Variants in BCL2 observed in about 807,000 individuals in gnomAD.
The protein encoded by BCL2 is apoptosis regulator Bcl-2.
In BCL2, 1 loss-of-function variant was observed where a neutral mutation model predicts 14.2. That is an observed-to-expected ratio of 0.07 (90% CI 0.02 to 0.33). The LOEUF is 0.33. Among genes scored for constraint, BCL2 ranks in the 10% least tolerant of loss-of-function variants. BCL2 has a pLI of 0.99. For missense variants in BCL2, 247 were observed against 305.9 expected, an observed-to-expected ratio of 0.81 and a Z score of 1.44; for synonymous variants, 151 against 137.2, an observed-to-expected ratio of 1.10 and a Z score of -0.70.
chr18:63,267,228 G>A (rs772234200), intron 2 of BCL2, among the ~76,000 whole-genome samples: 1 of 152,204 alleles, frequency 6.6e-6, no homozygotes, highest in African/African-American at 2.4e-5. Flanking sequence ...GGGGCATTCC[G>A]TGCTTGGGTA....
intron 2 of BCL2, among the ~76,000 whole-genome samples, chr18:63,241,499 C>T (rs754259958): frequency 6.6e-6 from 1 of 152,164 alleles, no homozygotes; most frequent in Non-Finnish European, 1.5e-5. Context: ...GATAAGATCT[C>T]AGAGTTACTG....
At chr18:63,317,269 C>T (rs1332960054) in intron 2 of BCL2, 1 of 153,682 alleles carries the variant, frequency 6.5e-6, no homozygotes, top group African/African-American at 2.4e-5. Flanking sequence ...AAAATTAGGT[C>T]CACTCTGAGT....
At chr18:63,296,988 G>A (rs542563562) in intron 2 of BCL2, among the ~76,000 whole-genome samples, 23 of 152,242 alleles carry the variant, frequency 1.5e-4, no homozygotes, top group East Asian at 7.8e-4. Flanking sequence ...CGAGGCGGGC[G>A]GACCACGAGT....
At chr18:63,211,867 G>A (rs938332121) in intron 2 of BCL2, among the ~76,000 whole-genome samples, 3 of 152,328 alleles carry the variant, frequency 2.0e-5, no homozygotes, top group East Asian at 1.9e-4. Context: ...CAGGGAACAC[G>A]TCATTGATGA....
At chr18:63,290,044 G>A (rs1008330007) in intron 2 of BCL2, among the ~76,000 whole-genome samples, 35 of 152,150 alleles carry the variant, frequency 2.3e-4, no homozygotes, top group Non-Finnish European at 4.9e-4. Context: ...AGGAATGGAG[G>A]GCAGTGAAGG....
chr18:63,228,759 A>G (rs1910613423), intron 2 of BCL2, among the ~76,000 whole-genome samples: 1 of 151,340 alleles, frequency 6.6e-6, no homozygotes, highest in Admixed American at 6.6e-5. Context: ...GCCCAGCTGG[A>G]GTGCAGTGGC....
chr18:63,312,169 T>A (rs1913347461), intron 2 of BCL2, among the ~76,000 whole-genome samples: 1 of 152,222 alleles, frequency 6.6e-6, no homozygotes, highest in East Asian at 1.9e-4. Context: ...TTTGCTAGTA[T>A]CTAAGCGCAT....
In BCL2 at chr18:63,314,778, G is replaced by A. The variant is rs375280335; in HGVS notation, c.585+3304C>T. The A allele has an allele frequency of 6.0e-4, 91 of 152,330 alleles. 1 individual carries two copies. Among genetic ancestry groups the A allele is most frequent in the African/African-American group, 1.9e-3 (78 of 41,562 alleles). 9.4% of individuals were successfully genotyped at this position (152,330 alleles called of 1,614,324 possible). A position where few individuals can be genotyped will look rare whatever the true frequency, so the allele number is the denominator to read the frequency against. ...AATAACTAACAGAGCTATTAAAAGA[G>A]CTAATTCTCTTGCCTTTAATTGAAG... On this transcript the variant is annotated intron_variant, in intron 2 of 2. Transcript: ENST00000333681.
chr18:63,146,181 A>G (rs1914506773), intron 2 of BCL2, among the ~76,000 whole-genome samples: 1 of 152,224 alleles, frequency 6.6e-6, no homozygotes, highest in East Asian at 1.9e-4. Context: ...AGTCTAGGAC[A>G]GAAAACTCAG....
chr18:63,206,114 G>A (rs893896968), intron 2 of BCL2, among the ~76,000 whole-genome samples: 1 of 152,136 alleles, frequency 6.6e-6, no homozygotes, highest in Non-Finnish European at 1.5e-5. Flanking sequence ...GGAGGTCTGG[G>A]CCCCCTTCAC....
chr18:63,193,726 T>A (rs899886721), intron 2 of BCL2, among the ~76,000 whole-genome samples: 3 of 151,926 alleles, frequency 2.0e-5, no homozygotes, highest in Non-Finnish European at 4.4e-5. Context: ...CCTTGATATA[T>A]ATTATTAGTG....
intron 2 of BCL2, among the ~76,000 whole-genome samples, chr18:63,255,825 C>T (rs1443212567): frequency 1.3e-5 from 2 of 151,288 alleles, no homozygotes; most frequent in Non-Finnish European, 2.9e-5. Flanking sequence ...TGGCTGCAGC[C>T]CTCCCCCCCC....
chr18:63,176,593 T>C lies in BCL2; in HGVS notation c.586-47834A>G, dbSNP rs1599226220. Among the ~76,000 whole-genome samples the C allele has an allele frequency of 2.0e-5, 3 of 152,208 alleles. No individual in the cohort carries two copies. In the East Asian group the frequency reaches 5.8e-4, roughly 29 times the overall value. On this transcript the variant is annotated intron_variant, in intron 2 of 2. Transcript: ENST00000333681. The stretch of plus-strand genomic sequence containing the variant: ...ATGGGCAAGGGCAGTAATAGTCTTT[T>C]CTTTCTTTTTTTTACAATTGATACA...
At chr18:63,279,486 T>C (rs1290197947) in intron 2 of BCL2, among the ~76,000 whole-genome samples, 1 of 152,242 alleles carries the variant, frequency 6.6e-6, no homozygotes, top group Non-Finnish European at 1.5e-5. Flanking sequence ...CCTGTGAACA[T>C]GCCAGAATGG....
chr18:63,312,427 T>C (rs769333684), intron 2 of BCL2, among the ~76,000 whole-genome samples: 3 of 152,238 alleles, frequency 2.0e-5, no homozygotes, highest in African/African-American at 4.8e-5. Context: ...TGCTATAGCA[T>C]ATACAGAATT....
In BCL2 at chr18:63,211,063, CTTTTTTTTT is replaced by C. The variant is rs59302545; in HGVS notation, c.586-82313_586-82305del. ...TCTTCCCATCTTTTTCTTTTCATTT[CTTTTTTTTT>C]TTTTTTTTTTTTTTTTGAGACAGAG... On this transcript the variant is annotated intron_variant, in intron 2 of 2. Coordinates refer to ENST00000333681, the MANE Select transcript of BCL2 (RefSeq NM_000633.3). Among the ~76,000 whole-genome samples the C allele has an allele frequency of 8.5e-5, 5 of 59,144 alleles. No individual in the cohort carries two copies. The East Asian group carries it at 3.0e-3, about 36-fold the overall frequency. The allele number at this position is 59,144 out of a possible 152,430, so 38.8% of individuals were successfully genotyped here.
At chr18:63,156,425 G>A (rs1221431217) in intron 2 of BCL2, among the ~76,000 whole-genome samples, 2 of 152,180 alleles carry the variant, frequency 1.3e-5, no homozygotes, top group African/African-American at 4.8e-5. Context: ...CGACATGCCA[G>A]CGGAAACCCT....
intron 2 of BCL2, among the ~76,000 whole-genome samples, chr18:63,234,999 C>A (rs1487565557): frequency 6.6e-6 from 1 of 151,918 alleles, no homozygotes; most frequent in African/African-American, 2.4e-5. Context: ...AAACAACGAA[C>A]CAATAGAAAA....
intron 2 of BCL2, among the ~76,000 whole-genome samples, chr18:63,148,022 GA>G (rs2144604575): frequency 6.6e-6 from 1 of 152,162 alleles, no homozygotes; most frequent in Non-Finnish European, 1.5e-5. Context: ...AAAATGCAGA[GA>G]AAATCCATCA....
Sources: gnomAD v4.1 joint callset for allele counts (sites outside exome capture counted in the v4.1 genomes callset) on GRCh38, gnomAD v4.1.1 for gene constraint, MANE v1.5 for transcripts, NCBI Gene and HGNC (gene_info 2026-07-23, HGNC 2026-07-21) for gene names.